The following SDCCAG8 variants were observed in gnomAD, a reference collection of about 807,000 sequenced individuals.
SDCCAG8 encodes serologically defined colon cancer antigen 8.
SDCCAG8 carries 74 observed loss-of-function variants against 101.8 expected under a neutral mutation model. That is an observed-to-expected ratio of 0.73 (90% CI 0.60 to 0.88). SDCCAG8 has a LOEUF of 0.88. SDCCAG8 is among the 40% of genes least tolerant of loss of function. The probability of loss-of-function intolerance (pLI) is 0.00; values close to 1 mark genes in which losing one functional copy is unlikely to be tolerated. For missense variants in SDCCAG8, 787 were observed against 822.6 expected (o/e 0.96, Z 0.53); for synonymous variants, 281 against 292.9 (o/e 0.96, Z 0.41).
In SDCCAG8 at chr1:243,426,211, G is replaced by A. The variant is rs7538558; in HGVS notation, c.1854-216G>A. Among the ~76,000 whole-genome samples the A allele has an allele frequency of 0.17, 25,264 of 152,084 alleles. 2,279 individuals are homozygous for A. The highest frequency in any genetic ancestry group is 0.22 in the African/African-American group (8,951 of 41,476). On this transcript the variant is annotated intron_variant, in intron 15 of 17. Coordinates refer to ENST00000366541, the MANE Select transcript of SDCCAG8 (RefSeq NM_006642.5). ...CTTATTCCTTAGGGAAGCCATTTCT[G>A]TTAGAGTAAGTTGTTATTCCTTTTT...
intron 6 of SDCCAG8, among the ~76,000 whole-genome samples, chr1:243,300,120 G>T (rs1166257058): frequency 6.6e-6 from 1 of 150,454 alleles, no homozygotes; most frequent in African/African-American, 2.4e-5. Context: ...GCCTTGGCCT[G>T]CCAAAGTGCT....
intron 16 of SDCCAG8, among the ~76,000 whole-genome samples, chr1:243,432,066 A>G (rs1177973190): frequency 6.6e-6 from 1 of 152,228 alleles, no homozygotes; most frequent in Non-Finnish European, 1.5e-5. Flanking sequence ...TGATTCTTCA[A>G]AAGCCAATGT....
intron 12 of SDCCAG8, among the ~76,000 whole-genome samples, chr1:243,361,445 G>A (rs1480893987): frequency 6.6e-6 from 1 of 152,188 alleles, no homozygotes; most frequent in Non-Finnish European, 1.5e-5. Context: ...AAAGCAAAAC[G>A]TGAATTGCAT....
intron 16 of SDCCAG8, among the ~76,000 whole-genome samples, chr1:243,439,752 C>A (rs555796197): frequency 6.6e-6 from 1 of 151,904 alleles, no homozygotes; most frequent in Non-Finnish European, 1.5e-5. Context: ...ATATAACTTA[C>A]CCAACATCAC....
chr1:243,260,437 C>T (rs777672608), intron 1 of SDCCAG8, among the ~76,000 whole-genome samples: 2 of 152,064 alleles, frequency 1.3e-5, no homozygotes, highest in African/African-American at 4.8e-5. Flanking sequence ...TTCAATACAT[C>T]GTTGTATAAA....
At chr1:243,397,576 T>C (rs949913645) in intron 13 of SDCCAG8, among the ~76,000 whole-genome samples, 6 of 150,114 alleles carry the variant, frequency 4.0e-5, no homozygotes, top group Non-Finnish European at 8.9e-5. Flanking sequence ...ATCTGTAATA[T>C]CTAAGAAATT....
intron 13 of SDCCAG8, among the ~76,000 whole-genome samples, chr1:243,379,632 G>A (rs2077820335): frequency 6.6e-6 from 1 of 152,102 alleles, no homozygotes; most frequent in African/African-American, 2.4e-5. Flanking sequence ...ATCATATGTG[G>A]TTTCTTTTCA....
chr1:243,351,261 A>G (rs2076067587), intron 12 of SDCCAG8, among the ~76,000 whole-genome samples: 1 of 152,146 alleles, frequency 6.6e-6, no homozygotes, highest in Admixed American at 6.5e-5. Context: ...CAGTCTGTAG[A>G]CTTAGCACAT....
At chr1:243,376,968 G>A (rs1029529121) in intron 12 of SDCCAG8, among the ~76,000 whole-genome samples, 37 of 152,056 alleles carry the variant, frequency 2.4e-4, no homozygotes, top group African/African-American at 3.4e-4. Context: ...GTATCACTCC[G>A]GAGCTTTTGT....
intron 16 of SDCCAG8, among the ~76,000 whole-genome samples, chr1:243,453,309 G>A (rs1319592821): frequency 6.6e-6 from 1 of 152,126 alleles, no homozygotes; most frequent in Non-Finnish European, 1.5e-5. Context: ...GTGGGCTTGA[G>A]GCCCCAGCCC....
intron 13 of SDCCAG8, among the ~76,000 whole-genome samples, chr1:243,387,360 G>A (rs536369299): frequency 2.0e-4 from 31 of 151,860 alleles, no homozygotes; most frequent in Non-Finnish European, 2.9e-4. Flanking sequence ...TTTAGAACTC[G>A]GATTGCCCTA....
Position 243,414,427 on chromosome 1 carries a change from C to G in SDCCAG8, c.1617-1275C>G, listed in dbSNP as rs947283169. Among the ~76,000 whole-genome samples the G allele has an allele frequency of 7.9e-5, 12 of 151,994 alleles. No homozygotes were observed. In the East Asian group the frequency reaches 1.9e-3, roughly 24 times the overall value. On this transcript the variant is annotated intron_variant, in intron 13 of 17. Coordinates refer to ENST00000366541, the MANE Select transcript of SDCCAG8 (RefSeq NM_006642.5). ...CGACGCAAGACCTTGGACCACATCC[C>G]GGGGGGAGGTGTTGTTATTAGAAGT...
chr1:243,406,226 A>G (rs1196301619), intron 13 of SDCCAG8, among the ~76,000 whole-genome samples: 1 of 152,222 alleles, frequency 6.6e-6, no homozygotes, highest in Non-Finnish European at 1.5e-5. Context: ...AATTTATTTT[A>G]GGTAATAGCA....
chr1:243,296,044 G>T (rs2070842350), intron 6 of SDCCAG8, among the ~76,000 whole-genome samples: 1 of 152,042 alleles, frequency 6.6e-6, no homozygotes, highest in South Asian at 2.1e-4. Flanking sequence ...CACCCAGGGT[G>T]GAGTGCAGTG....
In SDCCAG8 at chr1:243,286,352, A is replaced by G. The variant is rs1265778354; in HGVS notation, c.501A>G (p.Gln167=). The G allele has an allele frequency of 1.7e-5, 28 of 1,613,990 alleles. No individual in the cohort carries two copies. The highest frequency in any genetic ancestry group is 2.3e-5 in the Non-Finnish European group (27 of 1,179,856). The change falls in exon 5 of 18, where the codon CAA becomes CAG. Residue 167 remains glutamine (Q), a synonymous_variant. Coordinates refer to ENST00000366541, the MANE Select transcript of SDCCAG8 (RefSeq NM_006642.5). ...GGCTCCAGCAACAGCTAAAATCTCA[A>G]AGACAAGAGGAGACACTGAGGGAAC... ...NEGLQQQLKS[Q]RQEETLREQT... is the part of the protein sequence containing the mutation.
rs564743915 is a variant in SDCCAG8 at position 243,475,551 on chromosome 1, C to T, written c.1986-13463C>T. On this transcript the variant is annotated intron_variant, in intron 16 of 17. Coordinates refer to ENST00000366541, the MANE Select transcript of SDCCAG8 (RefSeq NM_006642.5). ...CAGTCCTGGGGAGAGACAAACCCCT[C>T]GTCCGCTCTCAGATCATCCTCAGAG... Among the ~76,000 whole-genome samples the T allele has an allele frequency of 2.3e-3, 350 of 152,254 alleles. 2 individuals are homozygous for T. Among genetic ancestry groups the T allele is most frequent in the African/African-American group, 8.1e-3 (336 of 41,546 alleles).
At chr1:243,340,254 T>C (rs1156629792) in intron 10 of SDCCAG8, among the ~76,000 whole-genome samples, 1 of 152,172 alleles carries the variant, frequency 6.6e-6, no homozygotes, top group Non-Finnish European at 1.5e-5. Flanking sequence ...TGGAGGTATA[T>C]ATACTGAGAT....
rs540209106 is a variant in SDCCAG8 at position 243,498,801 on chromosome 1, C to T, written c.2113-955C>T. 1.4e-4 allele frequency among the ~76,000 whole-genome samples: 22 copies of T among 152,346 alleles called. No individual in the cohort carries two copies. The Middle Eastern group carries it at 0.01, about 71-fold the overall frequency. On this transcript the variant is annotated intron_variant, in intron 17 of 17. Transcript: ENST00000366541. ...TTGGAAAATCCTCACTGGAGAGGGG[C>T]AGGCCCACTTCTCTTTTTGGAAGAT...
rs2074240212 is a variant in SDCCAG8, at chr1:243,327,348, T to TTAAAATTATAATTATAATTTTATAGAAAA, written c.1069-3164_1069-3163insATAAAATTATAATTATAATTTTATAGAAA. Among the ~76,000 whole-genome samples the TTAAAATTATAATTATAATTTTATAGAAAA allele has an allele frequency of 2.7e-5, 4 of 146,330 alleles. No individual in the cohort carries two copies. In the South Asian group the frequency reaches 6.3e-4, roughly 23 times the overall value. ...AATTATAATTATAATTTTATAGAAA[T>TTAAAATTATAATTATAATTTTATAGAAAA]TAAAATTATAATTATAATTTTATAG... On this transcript the variant is annotated intron_variant, in intron 9 of 17. Coordinates refer to ENST00000366541, the MANE Select transcript of SDCCAG8 (RefSeq NM_006642.5).
Sources: allele counts gnomAD v4.1 joint callset (sites outside exome capture counted in the v4.1 genomes callset), GRCh38; gene constraint gnomAD v4.1.1; transcripts MANE v1.5; gene names NCBI Gene and HGNC (gene_info 2026-07-23, HGNC 2026-07-21).